Variants in SLC14A2 observed in about 807,000 individuals in gnomAD.
SLC14A2 encodes the protein solute carrier family 14 member 2.
SLC14A2 carries 91 observed loss-of-function variants against 104.6 expected under a neutral mutation model. The observed-to-expected ratio is 0.87, with a 90% CI of 0.73 to 1.04. SLC14A2 has a LOEUF of 1.04. Ranked by LOEUF, SLC14A2 falls within the 50% of genes least tolerant of loss-of-function variation. The pLI is 0.00. For synonymous variants in SLC14A2, 476 were observed against 466.4 expected, an observed-to-expected ratio of 1.02 and a Z score of -0.27; for missense variants, 1,189 against 1,156.0, an observed-to-expected ratio of 1.03 and a Z score of -0.41.
At chr18:45,472,083 T>C (rs2087260566) in intron 1 of SLC14A2, among the ~76,000 whole-genome samples, 1 of 152,170 alleles carries the variant, frequency 6.6e-6, no homozygotes, top group Non-Finnish European at 1.5e-5. Context: ...TGTGTCCATG[T>C]GTTCTCGTTG....
At chr18:45,243,643 C>T (rs1380979349) in intron 1 of SLC14A2, among the ~76,000 whole-genome samples, 1 of 152,168 alleles carries the variant, frequency 6.6e-6, no homozygotes, top group East Asian at 1.9e-4. Flanking sequence ...TTTGAGTCAT[C>T]TTTAGGAAAA....
intron 1 of SLC14A2, among the ~76,000 whole-genome samples, chr18:45,369,500 T>C (rs533151319): frequency 6.6e-5 from 10 of 152,312 alleles, no homozygotes; most frequent in African/African-American, 2.2e-4. Context: ...AAGATGGGTA[T>C]ATTATATATG....
At chr18:45,538,850 C>CTTTTTTTTTTTTT (rs61475766) in intron 2 of SLC14A2, among the ~76,000 whole-genome samples, 2 of 105,266 alleles carry the variant, frequency 1.9e-5, no homozygotes, top group East Asian at 3.0e-4. Context: ...TCCCCCTTCC[C>CTTTTTTTTTTTTT]TTTTTTTTTT....
intron 2 of SLC14A2, among the ~76,000 whole-genome samples, chr18:45,577,575 C>T (rs1438352388): frequency 6.6e-6 from 1 of 152,146 alleles, no homozygotes; most frequent in South Asian, 2.1e-4. Flanking sequence ...AAGCCTTTGA[C>T]TCAAAAGGTG....
intron 2 of SLC14A2, among the ~76,000 whole-genome samples, chr18:45,542,728 G>A (rs2043909213): frequency 6.6e-6 from 1 of 152,190 alleles, no homozygotes; most frequent in Middle Eastern, 3.4e-3. Flanking sequence ...TCTGAAACTG[G>A]GAGAGTCTAT....
intron 1 of SLC14A2, among the ~76,000 whole-genome samples, chr18:45,331,802 C>A (rs1490733208): frequency 6.6e-6 from 1 of 152,168 alleles, no homozygotes; most frequent in Non-Finnish European, 1.5e-5. Flanking sequence ...CTTGTTCCAT[C>A]TATTTTCCTG....
At chr18:45,512,185 A>G (rs1407997364) in intron 2 of SLC14A2, among the ~76,000 whole-genome samples, 2 of 152,206 alleles carry the variant, frequency 1.3e-5, no homozygotes, top group Admixed American at 1.3e-4. Context: ...CTATATACCA[A>G]TATCCATGGA....
At chr18:45,584,812 G>A (rs924508977) in intron 2 of SLC14A2, among the ~76,000 whole-genome samples, 14 of 152,166 alleles carry the variant, frequency 9.2e-5, no homozygotes, top group African/African-American at 3.1e-4. Flanking sequence ...GCAGGTTTCT[G>A]AATATAGAAC....
At chr18:45,268,610 G>T (rs72904677) in intron 1 of SLC14A2, among the ~76,000 whole-genome samples, 6,394 of 152,280 alleles carry the variant, frequency 0.042, 206 homozygotes, top group South Asian at 0.067. Flanking sequence ...TAAATGTGTG[G>T]TATGTGAGAG....
At chr18:45,346,509 A>C (rs1018217990) in intron 1 of SLC14A2, among the ~76,000 whole-genome samples, 4 of 152,196 alleles carry the variant, frequency 2.6e-5, no homozygotes, top group African/African-American at 9.6e-5. Flanking sequence ...ACAAATTCTG[A>C]ATATTGATCC....
At chr18:45,656,300 A>G (rs181238683) in intron 10 of SLC14A2, among the ~76,000 whole-genome samples, 1 of 145,328 alleles carries the variant, frequency 6.9e-6, no homozygotes, top group Non-Finnish European at 1.5e-5. Context: ...TTAGGCAAGA[A>G]GAGGGATGGA....
intron 2 of SLC14A2, among the ~76,000 whole-genome samples, chr18:45,582,157 A>G (rs1319816016): frequency 6.6e-6 from 1 of 152,232 alleles, no homozygotes; most frequent in East Asian, 1.9e-4. Context: ...CTTCCAAAGC[A>G]TCAAGAATCA....
the SLC14A2 span, among the ~76,000 whole-genome samples, chr18:45,177,424 C>T: frequency 6.6e-6 from 1 of 152,188 alleles, no homozygotes; most frequent in African/African-American, 2.4e-5. Context: ...TGGCAGGGCC[C>T]TACCTGAGCT....
At chr18:45,446,832 G>T (rs1326518235) in intron 1 of SLC14A2, among the ~76,000 whole-genome samples, 1 of 152,098 alleles carries the variant, frequency 6.6e-6, no homozygotes, top group Non-Finnish European at 1.5e-5. Flanking sequence ...AAGATGAATA[G>T]GACAGAATAG....
chr18:45,206,078 T>C, the SLC14A2 span, among the ~76,000 whole-genome samples: 5 of 152,212 alleles, frequency 3.3e-5, no homozygotes, highest in African/African-American at 1.2e-4. Context: ...AAGTGTGTTG[T>C]TTCATCTGTT....
At chr18:45,452,933 G>T (rs1251315996) in intron 1 of SLC14A2, among the ~76,000 whole-genome samples, 4 of 152,186 alleles carry the variant, frequency 2.6e-5, no homozygotes, top group Admixed American at 2.0e-4. Flanking sequence ...TAGTGCTCAG[G>T]AGTGGCCCAC....
At chr18:45,394,091 T>C (rs2086002437) in intron 1 of SLC14A2, among the ~76,000 whole-genome samples, 1 of 152,218 alleles carries the variant, frequency 6.6e-6, no homozygotes, top group South Asian at 2.1e-4. Flanking sequence ...ACCAGAAATA[T>C]TATGAACATT....
intron 1 of SLC14A2, among the ~76,000 whole-genome samples, chr18:45,262,733 C>T (rs2084552523): frequency 6.6e-6 from 1 of 152,190 alleles, no homozygotes; most frequent in African/African-American, 2.4e-5. Context: ...CGCTGTCTTA[C>T]TGTCATTCCT....
intron 2 of SLC14A2, among the ~76,000 whole-genome samples, chr18:45,603,534 G>A (rs1455100321): frequency 6.6e-6 from 1 of 152,194 alleles, no homozygotes; most frequent in Non-Finnish European, 1.5e-5. Context: ...AGTGGTTGAT[G>A]TAGTCTCTAG....
Sources: gnomAD v4.1 joint callset for allele counts (sites outside exome capture counted in the v4.1 genomes callset) on GRCh38, gnomAD v4.1.1 for gene constraint, MANE v1.5 for transcripts, NCBI Gene and HGNC (gene_info 2026-07-23, HGNC 2026-07-21) for gene names.